ZNF578: variants seen among roughly 807,000 people sequenced by gnomAD.
ZNF578 encodes the protein zinc finger protein 578.
In ZNF578, 8 loss-of-function variants were observed where a neutral mutation model predicts 8.3. The observed-to-expected ratio is 0.96, with a 90% CI of 0.56 to 1.74. ZNF578 has a LOEUF of 1.74. Ranked by LOEUF, ZNF578 falls within the 40% of genes most tolerant of loss-of-function variation. The pLI, the probability that ZNF578 is intolerant of heterozygous loss-of-function variation, is 0.00. For synonymous variants in ZNF578, 206 were observed against 232.2 expected, an observed-to-expected ratio of 0.89 and a Z score of 1.03; for missense variants, 726 against 707.5, an observed-to-expected ratio of 1.03 and a Z score of -0.30.
intron 2 of ZNF578, among the ~76,000 whole-genome samples, chr19:52,463,009 C>A (rs1484090599): frequency 3.3e-5 from 5 of 152,062 alleles, no homozygotes; most frequent in Admixed American, 3.3e-4. Context: ...GGGAGATGTT[C>A]AAAAAATTTA....
intron 3 of ZNF578, among the ~76,000 whole-genome samples, chr19:52,498,998 T>C (rs968567564): frequency 2.0e-5 from 3 of 152,154 alleles, no homozygotes; most frequent in Non-Finnish European, 2.9e-5. Context: ...TGGAATTTTC[T>C]AGAGGAGGAA....
At position 52,513,454 on chromosome 19, in the gene ZNF578, GGTGTGGCAGCTCACGCCGGTAATCCCA is replaced by G. The variant is rs2059458642; in HGVS notation, c.*1302_*1328del. ...TAGTTTTAAAAGGGATATCAGGCTG[GGTGTGGCAGCTCACGCCGGTAATCCCA>G]GCACTTTGGGAGGCCAAGGCAGGCA... On this transcript the variant is annotated 3_prime_UTR_variant, in exon 6 of 6. Transcript: ENST00000421239. 6.6e-6 allele frequency among the ~76,000 whole-genome samples: 1 copy of G among 150,574 alleles called. No individual in the cohort carries two copies. Among genetic ancestry groups the G allele is most frequent in the Non-Finnish European group, 1.5e-5 (1 of 67,840 alleles).
At chr19:52,466,251 G>A (rs2059274804) in intron 2 of ZNF578, among the ~76,000 whole-genome samples, 1 of 152,218 alleles carries the variant, frequency 6.6e-6, no homozygotes, top group Non-Finnish European at 1.5e-5. Flanking sequence ...TTATCAGAGA[G>A]CAGCTGTGGG....
chr19:52,469,569 G>A (rs980379705), intron 2 of ZNF578, among the ~76,000 whole-genome samples: 4 of 152,132 alleles, frequency 2.6e-5, no homozygotes, highest in African/African-American at 4.8e-5. Context: ...ACTTCTAATA[G>A]TACAGAGAAC....
At chr19:52,484,269 T>C (rs552039840) in intron 2 of ZNF578, among the ~76,000 whole-genome samples, 1 of 152,324 alleles carries the variant, frequency 6.6e-6, no homozygotes, top group East Asian at 1.9e-4. Context: ...GTAGATGGTA[T>C]ATACAATTGG....
intron 2 of ZNF578, among the ~76,000 whole-genome samples, chr19:52,488,309 C>T (rs1835908449): frequency 6.6e-6 from 1 of 151,920 alleles, no homozygotes; most frequent in Admixed American, 6.5e-5. Context: ...AATCCCAGCA[C>T]TTTGGGAGAC....
intron 3 of ZNF578, among the ~76,000 whole-genome samples, chr19:52,500,977 C>G (rs1252058857): frequency 6.6e-6 from 1 of 150,796 alleles, no homozygotes; most frequent in African/African-American, 2.4e-5. Context: ...CTCCTGGCTT[C>G]AAGCAATTCT....
intron 2 of ZNF578, among the ~76,000 whole-genome samples, chr19:52,488,140 G>A (rs1362424424): frequency 4.6e-5 from 7 of 151,634 alleles, no homozygotes; most frequent in Admixed American, 3.3e-4. Context: ...TAGTAGAGAC[G>A]AGGTTTCATC....
At chr19:52,466,882 G>A (rs1162442094) in intron 2 of ZNF578, among the ~76,000 whole-genome samples, 3 of 152,108 alleles carry the variant, frequency 2.0e-5, no homozygotes, top group African/African-American at 4.8e-5. Context: ...GCATAGTGCT[G>A]TAGTATGTGT....
chr19:52,483,994 G>A lies in ZNF578; in HGVS notation c.-121-7330G>A, dbSNP rs141000640. ...GACGCTCAGCATACGGAGGACCCAC[G>A]CTGGCTCCAGTCTCTGAGTCCCCTT... On this transcript the variant is annotated intron_variant, in intron 2 of 5. Coordinates refer to ENST00000421239, the MANE Select transcript of ZNF578 (RefSeq NM_001099694.2). 3.4e-3 allele frequency among the ~76,000 whole-genome samples: 525 copies of A among 152,188 alleles called. 4 individuals are homozygous for A. Among genetic ancestry groups the A allele is most frequent in the African/African-American group, 0.012 (503 of 41,506 alleles).
At chr19:52,499,446 A>G (rs2059398703) in intron 3 of ZNF578, among the ~76,000 whole-genome samples, 1 of 152,156 alleles carries the variant, frequency 6.6e-6, no homozygotes, top group South Asian at 2.1e-4. Flanking sequence ...TGGGACATCA[A>G]ACAGGCATCC....
At chr19:52,478,840 T>C (rs1302060684) in intron 2 of ZNF578, among the ~76,000 whole-genome samples, 1 of 151,974 alleles carries the variant, frequency 6.6e-6, no homozygotes, top group African/African-American at 2.4e-5. Context: ...CAGCCTCCCA[T>C]GTAGCTGGGA....
chr19:52,459,767 A>ATTTTTTTTTTTT, intron 2 of ZNF578, among the ~76,000 whole-genome samples: 1 of 6,022 alleles, frequency 1.7e-4, no homozygotes, highest in African/African-American at 2.8e-4. Context: ...ATATATATAT[A>ATTTTTTTTTTTT]TATTTTTTTT....
chr19:52,462,524 T>C (rs1365550582), intron 2 of ZNF578, among the ~76,000 whole-genome samples: 2 of 152,212 alleles, frequency 1.3e-5, no homozygotes, highest in Non-Finnish European at 2.9e-5. Flanking sequence ...AATTTTGGTC[T>C]GCTGTAGTCA....
intron 2 of ZNF578, among the ~76,000 whole-genome samples, chr19:52,476,107 T>TA (rs35835289): frequency 0.047 from 6,471 of 138,320 alleles, 456 homozygotes; most frequent in African/African-American, 0.15. Context: ...AAGGGTATAG[T>TA]AAAAAAAAAA....
intron 4 of ZNF578, among the ~76,000 whole-genome samples, chr19:52,502,270 G>C (rs2059410669): frequency 6.6e-6 from 1 of 152,172 alleles, no homozygotes. Context: ...TTGTGGACCA[G>C]ATTAGAGAAA....
intron 5 of ZNF578, among the ~76,000 whole-genome samples, chr19:52,505,996 C>G (rs1350057572): frequency 6.6e-6 from 1 of 151,734 alleles, no homozygotes; most frequent in Admixed American, 6.6e-5. Flanking sequence ...CTATTGGATT[C>G]AAGTGATTCT....
At chr19:52,465,498 T>C (rs953399359) in intron 2 of ZNF578, among the ~76,000 whole-genome samples, 1 of 152,196 alleles carries the variant, frequency 6.6e-6, no homozygotes, top group African/African-American at 2.4e-5. Context: ...ATCGTCTGTC[T>C]GAAAAGGCTC....
chr19:52,483,850 AG>A (rs1448004687), intron 2 of ZNF578, among the ~76,000 whole-genome samples: 10 of 152,214 alleles, frequency 6.6e-5, no homozygotes, highest in African/African-American at 2.2e-4. Context: ...ACTCATATGA[AG>A]GGGGTGGCCT....
Sources: allele counts gnomAD v4.1 joint callset (sites outside exome capture counted in the v4.1 genomes callset), GRCh38; gene constraint gnomAD v4.1.1; transcripts MANE v1.5; gene names NCBI Gene and HGNC (gene_info 2026-07-23, HGNC 2026-07-21).